Variants in DGCR2 observed in about 807,000 individuals in gnomAD.
DGCR2 encodes DiGeorge syndrome critical region gene 2, also known as integral membrane protein DGCR2/IDD.
Under a neutral mutation model 51.6 loss-of-function variants are expected in DGCR2, and 24 were observed. That is an observed-to-expected ratio of 0.47 (90% confidence interval 0.34 to 0.65). The LOEUF is 0.65. DGCR2 is among the 30% of genes least tolerant of loss of function. The pLI is 0.01. For missense variants in DGCR2, 765 were observed against 772.1 expected (o/e 0.99, Z 0.11); for synonymous variants, 340 against 315.4 (o/e 1.08, Z -0.82).
intron 9 of DGCR2, among the ~76,000 whole-genome samples, chr22:19,040,197 CTG>C (rs1212104855): frequency 3.3e-5 from 5 of 152,242 alleles, no homozygotes; most frequent in East Asian, 1.9e-4. Flanking sequence ...CCCTGGAAGA[CTG>C]TGACAATCTG....
intron 1 of DGCR2, among the ~76,000 whole-genome samples, chr22:19,102,786 G>A (rs761840988): frequency 5.9e-5 from 9 of 151,974 alleles, no homozygotes; most frequent in African/African-American, 1.9e-4. Context: ...CAGGAAGATC[G>A]CTTGAAGCCA....
At chr22:19,070,952 G>C (rs1211071083) in intron 2 of DGCR2, among the ~76,000 whole-genome samples, 1 of 152,262 alleles carries the variant, frequency 6.6e-6, no homozygotes, top group African/African-American at 2.4e-5. Context: ...TGGGGGCCAG[G>C]CTGGGGAATG....
At chr22:19,089,275 C>A in intron 2 of DGCR2, 93 bp downstream of exon 2, 1 of 1,375,046 alleles carries the variant, frequency 7.3e-7, no homozygotes, top group Admixed American at 2.5e-5. Context: ...TGTGTTAAGA[C>A]AGCACACACC....
At chr22:19,071,144 A>G (rs2082810404) in intron 2 of DGCR2, among the ~76,000 whole-genome samples, 1 of 152,174 alleles carries the variant, frequency 6.6e-6, no homozygotes, top group East Asian at 1.9e-4. Flanking sequence ...TGCAGGGGTC[A>G]CTGTAGCACC....
At chr22:19,063,340 C>T (rs2082708520) in intron 4 of DGCR2, 62 bp from the exon 5 acceptor site, 1 of 1,520,002 alleles carries the variant, frequency 6.6e-7, no homozygotes, top group Non-Finnish European at 9.1e-7. Context: ...CCATCAATGA[C>T]TGTGTGTTTT....
rs745412106 is a variant in DGCR2 at position 19,042,948 on chromosome 22, C to A, written c.1007-989G>T. On this transcript the variant is annotated intron_variant, in intron 7 of 9. Transcript: ENST00000263196. ...CCCTGGCATACACGTGCAGATGACA[C>A]CTGGACACAACACTGGGTCTCACAG... is the stretch of plus-strand genomic sequence containing the variant. Among the ~76,000 whole-genome samples, 82 of 152,096 alleles carry A rather than the reference C, an allele frequency of 5.4e-4. 2 individuals are homozygous for A. Among genetic ancestry groups the A allele is most frequent in the Non-Finnish European group, 2.1e-4 (14 of 68,004 alleles).
In DGCR2 at chr22:19,087,751, C is replaced by G. The variant is rs541596750; in HGVS notation, c.202+1617G>C. 1.3e-3 allele frequency among the ~76,000 whole-genome samples: 187 copies of G among 145,298 alleles called. 1 individual carries two copies. The highest frequency in any genetic ancestry group is 4.5e-3 in the African/African-American group (176 of 39,370). ...CCAGGATAAAGTGCAGTGGCACAAT[C>G]TTGACTCACTGCAATCTCCTCCTCC... On this transcript the variant is annotated intron_variant, in intron 2 of 9. Transcript: ENST00000263196.
intron 1 of DGCR2, among the ~76,000 whole-genome samples, chr22:19,120,218 GGA>G (rs2083417931): frequency 6.6e-6 from 1 of 152,172 alleles, no homozygotes. Flanking sequence ...GTTCTCATCT[GGA>G]GAGTCATGGA....
intron 2 of DGCR2, among the ~76,000 whole-genome samples, chr22:19,084,845 G>A (rs1452574636): frequency 6.7e-6 from 1 of 149,486 alleles, no homozygotes; most frequent in African/African-American, 2.5e-5. Flanking sequence ...GCCCCGTCCG[G>A]GAGGTGGGGG....
At chr22:19,054,173 T>G (rs2082577282) in intron 6 of DGCR2, among the ~76,000 whole-genome samples, 1 of 152,244 alleles carries the variant, frequency 6.6e-6, no homozygotes, top group African/African-American at 2.4e-5. Context: ...CTGATTTTGA[T>G]CCATATAGTG....
In DGCR2 at chr22:19,056,993, A is replaced by G. The variant is rs971695532; in HGVS notation, c.795T>C (p.Cys265=). 2.5e-6 allele frequency: 4 copies of G among 1,583,728 alleles called. No individual in the cohort carries two copies. The highest frequency in any genetic ancestry group is 1.8e-5 in the Admixed American group (1 of 54,852). ...CAGCTCAAGGGGGCTTACTTCTTTT[A>G]CACAGAAATGAAGACTTCTCGTAGC... ...ESCYEKSSFL[C]KRSQTCVDIK... is the part of the protein sequence containing the mutation. The change falls in exon 6 of 10, where the codon TGT becomes TGC. Residue 265 remains cysteine (C), a synonymous_variant. Coordinates refer to ENST00000263196, the MANE Select transcript of DGCR2 (RefSeq NM_005137.3).
At chr22:19,117,781 GA>G (rs1192373222) in intron 1 of DGCR2, among the ~76,000 whole-genome samples, 1 of 151,214 alleles carries the variant, frequency 6.6e-6, no homozygotes, top group African/African-American at 2.4e-5. Flanking sequence ...TTTTTGTCAA[GA>G]AAAAAAAGGA....
intron 1 of DGCR2, among the ~76,000 whole-genome samples, chr22:19,111,593 A>G (rs1033340961): frequency 2.0e-5 from 3 of 152,234 alleles, no homozygotes; most frequent in Middle Eastern, 3.4e-3. Flanking sequence ...CCCCTCCACA[A>G]TGAGTCTTGT....
At chr22:19,092,999 AAGG>A (rs1344745004) in intron 1 of DGCR2, among the ~76,000 whole-genome samples, 1 of 149,096 alleles carries the variant, frequency 6.7e-6, no homozygotes, top group Non-Finnish European at 1.5e-5. Context: ...AGAAGAGAAG[AAGG>A]AGGAGGAGGA....
intron 3 of DGCR2, among the ~76,000 whole-genome samples, chr22:19,066,638 G>A (rs1343480331): frequency 1.3e-5 from 2 of 152,200 alleles, no homozygotes; most frequent in Admixed American, 1.3e-4. Context: ...CAAGGTGAGA[G>A]GAAGCCCTGT....
At chr22:19,074,129 TA>T (rs2082847370) in intron 2 of DGCR2, among the ~76,000 whole-genome samples, 1 of 152,152 alleles carries the variant, frequency 6.6e-6, no homozygotes, top group Non-Finnish European at 1.5e-5. Context: ...GGCAATTTCT[TA>T]AAAAATTAAA....
chr22:19,117,119 G>A (rs1323818262), intron 1 of DGCR2, among the ~76,000 whole-genome samples: 4 of 152,072 alleles, frequency 2.6e-5, no homozygotes, highest in South Asian at 4.1e-4. Context: ...GGATCTGTGC[G>A]TAACAAGATT....
chr22:19,048,367 G>T, intron 7 of DGCR2, 73 bp downstream of exon 7: 1 of 1,541,338 alleles, frequency 6.5e-7, no homozygotes. Flanking sequence ...TCACCACTGA[G>T]GAAGCAAAGG....
chr22:19,071,180 G>C (rs911705115), intron 2 of DGCR2, among the ~76,000 whole-genome samples: 1 of 152,184 alleles, frequency 6.6e-6, no homozygotes, highest in Non-Finnish European at 1.5e-5. Flanking sequence ...TCCGACTCTG[G>C]GCTCCATGAC....
Sources: allele counts gnomAD v4.1 joint callset (sites outside exome capture counted in the v4.1 genomes callset), GRCh38; gene constraint gnomAD v4.1.1; transcripts MANE v1.5; gene names NCBI Gene and HGNC (gene_info 2026-07-23, HGNC 2026-07-21).